The following MAPKAP1 variants were observed in gnomAD, a reference collection of about 807,000 sequenced individuals.
MAPKAP1 encodes target of rapamycin complex 2 subunit MAPKAP1.
A neutral mutation model predicts 65.7 loss-of-function variants in MAPKAP1; 20 were observed. The observed-to-expected ratio is 0.30, with a 90% CI of 0.21 to 0.44. MAPKAP1 has a LOEUF of 0.44. Among genes scored for constraint, MAPKAP1 ranks in the 20% least tolerant of loss-of-function variants. The pLI, the probability that MAPKAP1 is intolerant of heterozygous loss-of-function variation, is 1.00. For synonymous variants in MAPKAP1, 222 were observed against 244.3 expected, an observed-to-expected ratio of 0.91 and a Z score of 0.85; for missense variants, 423 against 648.0, an observed-to-expected ratio of 0.65 and a Z score of 3.77.
At position 125,693,666 on chromosome 9, in the gene MAPKAP1, C is replaced by CACGTAT. The variant is rs1835264234; in HGVS notation, c.-70+13304_-70+13305insATACGT. Among the ~76,000 whole-genome samples the CACGTAT allele has an allele frequency of 6.0e-4, 80 of 134,376 alleles. 2 individuals carry two copies. Among genetic ancestry groups the CACGTAT allele is most frequent in the African/African-American group, 2.3e-3 (77 of 33,104 alleles). 88.2% of individuals were successfully genotyped at this position (134,376 alleles called of 152,430 possible). A position where few individuals can be genotyped will look rare whatever the true frequency, so the allele number is the denominator to read the frequency against. On this transcript the variant is annotated intron_variant, in intron 1 of 11. Transcript: ENST00000265960. ...ACATATACACGTATACATACACACA[C>CACGTAT]ATATACACGTATATATACACGTATA... is the stretch of plus-strand genomic sequence containing the variant.
Position 125,442,393 on chromosome 9 carries a change from T to C in MAPKAP1, c.1443+2108A>G, listed in dbSNP as rs1000013872. On this transcript the variant is annotated intron_variant, in intron 11 of 11. Transcript: ENST00000265960. ...ACCTGTAAAATGATTTCTCTGCACTTGATCTTCCACAGTCTCATACTGAAG... is the reference window on the plus strand; with the variant it reads ...ACCTGTAAAATGATTTCTCTGCACTCGATCTTCCACAGTCTCATACTGAAG... Among the ~76,000 whole-genome samples the C allele has an allele frequency of 3.9e-5, 6 of 152,318 alleles. No homozygotes were observed. The South Asian group carries it at 6.2e-4, about 16-fold the overall frequency.
chr9:125,477,985 T>G (rs1381808356), intron 9 of MAPKAP1: 1 of 152,178 alleles, frequency 6.6e-6, no homozygotes, highest in African/African-American at 2.4e-5. Flanking sequence ...CAAGAATGTT[T>G]TAGAGAAATA....
At chr9:125,633,919 T>C (rs1833355545) in intron 4 of MAPKAP1, among the ~76,000 whole-genome samples, 1 of 152,188 alleles carries the variant, frequency 6.6e-6, no homozygotes, top group Non-Finnish European at 1.5e-5. Context: ...GTGGCAATGG[T>C]TTGCAGTAAT....
chr9:125,513,221 T>TA (rs1386166692), intron 7 of MAPKAP1: 10 of 152,350 alleles, frequency 6.6e-5, no homozygotes, highest in African/African-American at 2.2e-4. Flanking sequence ...TTGTGTATTT[T>TA]AAAATCTATT....
intron 1 of MAPKAP1, among the ~76,000 whole-genome samples, chr9:125,676,098 T>C (rs1834636005): frequency 3.3e-5 from 5 of 152,150 alleles, no homozygotes; most frequent in Admixed American, 3.3e-4. Flanking sequence ...ATCAAAAAGA[T>C]TTTTAAAAAT....
chr9:125,635,242 C>A (rs1833389721), intron 4 of MAPKAP1, among the ~76,000 whole-genome samples: 1 of 152,196 alleles, frequency 6.6e-6, no homozygotes, highest in Non-Finnish European at 1.5e-5. Flanking sequence ...ACAGTCAGAA[C>A]TTAGAACAGA....
intron 10 of MAPKAP1, among the ~76,000 whole-genome samples, chr9:125,465,104 C>T (rs572413378): frequency 4.6e-5 from 7 of 152,276 alleles, no homozygotes; most frequent in East Asian, 1.9e-4. Context: ...TCACACGTTC[C>T]GGTCTTCGGC....
At chr9:125,652,350 G>T in intron 4 of MAPKAP1, 1 of 800,580 alleles carries the variant, frequency 1.2e-6, no homozygotes, top group Non-Finnish European at 1.5e-6. Flanking sequence ...AATTGCCACA[G>T]CATTCATATT....
chr9:125,553,435 G>A (rs1288769369), intron 6 of MAPKAP1, among the ~76,000 whole-genome samples: 3 of 152,024 alleles, frequency 2.0e-5, no homozygotes, highest in East Asian at 1.9e-4. Flanking sequence ...ACAGCTACTC[G>A]GGAGGCTGAG....
At chr9:125,699,345 A>C (rs2131876454) in intron 1 of MAPKAP1, among the ~76,000 whole-genome samples, 1 of 151,754 alleles carries the variant, frequency 6.6e-6, no homozygotes, top group East Asian at 2.0e-4. Flanking sequence ...AGTAGCTGGG[A>C]CTACAGGCAC....
intron 7 of MAPKAP1, among the ~76,000 whole-genome samples, chr9:125,512,542 T>C (rs1178310048): frequency 1.3e-5 from 2 of 152,186 alleles, no homozygotes; most frequent in African/African-American, 4.8e-5. Flanking sequence ...TTATGTTTCT[T>C]TTCCTCTCAC....
At chr9:125,696,040 A>G (rs1007374867) in intron 1 of MAPKAP1, among the ~76,000 whole-genome samples, 1 of 152,204 alleles carries the variant, frequency 6.6e-6, no homozygotes, top group Non-Finnish European at 1.5e-5. Flanking sequence ...TATAAAGTAT[A>G]TGATAATTAG....
chr9:125,574,219 A>C (rs1192955745), intron 5 of MAPKAP1, among the ~76,000 whole-genome samples: 1 of 152,254 alleles, frequency 6.6e-6, no homozygotes, highest in Non-Finnish European at 1.5e-5. Flanking sequence ...TTAGGGTCTG[A>C]AACTCCAAAA....
intron 5 of MAPKAP1, among the ~76,000 whole-genome samples, chr9:125,570,035 T>C (rs1831180099): frequency 6.6e-6 from 1 of 152,370 alleles, no homozygotes; most frequent in Non-Finnish European, 1.5e-5. Flanking sequence ...ATGAACTGCT[T>C]CTTTAACTTT....
intron 3 of MAPKAP1, 57 bp from the exon 4 acceptor site, chr9:125,657,856 C>G: frequency 6.4e-7 from 1 of 1,553,508 alleles, no homozygotes; most frequent in Non-Finnish European, 8.8e-7. Context: ...AACTTGTCCA[C>G]CTTCCCTAAA....
intron 1 of MAPKAP1, among the ~76,000 whole-genome samples, chr9:125,691,323 G>A (rs1835163917): frequency 6.6e-6 from 1 of 151,264 alleles, no homozygotes; most frequent in Admixed American, 6.6e-5. Context: ...TGAATGTGAA[G>A]GATTAAGAAG....
chr9:125,463,727 A>G (rs1853579113), intron 10 of MAPKAP1, among the ~76,000 whole-genome samples: 2 of 152,260 alleles, frequency 1.3e-5, no homozygotes, highest in South Asian at 4.1e-4. Flanking sequence ...TTTGAATTAT[A>G]CTATTGCAAG....
intron 6 of MAPKAP1, among the ~76,000 whole-genome samples, chr9:125,548,930 T>C (rs1405144711): frequency 1.3e-5 from 2 of 152,192 alleles, no homozygotes; most frequent in Non-Finnish European, 2.9e-5. Context: ...ATACATCATA[T>C]AACTAATAAG....
intron 9 of MAPKAP1, 147 bp downstream of exon 9, chr9:125,484,296 T>C: frequency 2.4e-6 from 2 of 832,534 alleles, no homozygotes; most frequent in Non-Finnish European, 3.5e-6. Flanking sequence ...AAGGATGTAC[T>C]TCAAATTCCA....
Sources: gnomAD v4.1 joint callset for allele counts (sites outside exome capture counted in the v4.1 genomes callset) on GRCh38, gnomAD v4.1.1 for gene constraint, MANE v1.5 for transcripts, NCBI Gene and HGNC (gene_info 2026-07-23, HGNC 2026-07-21) for gene names.